Variants in FRMD4B observed in about 807,000 individuals in gnomAD.
The protein encoded by FRMD4B is FERM domain containing 4B.
In FRMD4B, 74 loss-of-function variants were observed where a neutral mutation model predicts 141.5. The observed-to-expected ratio is 0.52, with a 90% CI of 0.43 to 0.63. The LOEUF is 0.63. Among genes scored for constraint, FRMD4B ranks in the 30% least tolerant of loss-of-function variants. The pLI is 0.00. For synonymous variants in FRMD4B, 506 were observed against 467.9 expected (o/e 1.08, Z -1.05); for missense variants, 1,366 against 1,253.4 (o/e 1.09, Z -1.36).
chr3:69,436,996 T>C (rs1267954646), intron 1 of FRMD4B, among the ~76,000 whole-genome samples: 1 of 152,160 alleles, frequency 6.6e-6, no homozygotes, highest in African/African-American at 2.4e-5. Context: ...GAATGGGAAG[T>C]TATTGTTTAA....
intron 1 of FRMD4B, among the ~76,000 whole-genome samples, chr3:69,456,293 T>C (rs545870749): frequency 6.6e-6 from 1 of 152,184 alleles, no homozygotes. Flanking sequence ...TAAGTTGATG[T>C]AAGTTTTCGA....
intron 5 of FRMD4B, among the ~76,000 whole-genome samples, chr3:69,253,227 G>A (rs2093474706): frequency 6.8e-6 from 1 of 147,386 alleles, no homozygotes; most frequent in Non-Finnish European, 1.5e-5. Flanking sequence ...AGGCAATGAG[G>A]ATCAGGAAGA....
intron 5 of FRMD4B, among the ~76,000 whole-genome samples, chr3:69,267,975 A>G (rs2093575966): frequency 1.3e-5 from 2 of 151,836 alleles, no homozygotes; most frequent in South Asian, 4.1e-4. Context: ...CTTTTAAAAA[A>G]CTAAACCTTT....
chr3:69,446,379 C>T (rs1445233406), intron 1 of FRMD4B, among the ~76,000 whole-genome samples: 1 of 151,902 alleles, frequency 6.6e-6, no homozygotes, highest in East Asian at 1.9e-4. Context: ...GTCATCCTGG[C>T]TGGAGTGCAG....
rs58174388 is a variant in FRMD4B, at chr3:69,186,246, C to CT, written c.1919+1523dup. Among the ~76,000 whole-genome samples the CT allele has an allele frequency of 3.5e-3, 311 of 89,576 alleles. 3 individuals carry two copies. Among genetic ancestry groups the CT allele is most frequent in the African/African-American group, 9.1e-3 (241 of 26,536 alleles). 58.8% of individuals were successfully genotyped at this position (89,576 alleles called of 152,430 possible). ...AACATTTCTTTTTTTTTTCTTTTTC[C>CT]TTTTTTTTTTTTTTTTTGAGACAGC... On this transcript the variant is annotated intron_variant, in intron 19 of 22. Coordinates refer to ENST00000398540, the MANE Select transcript of FRMD4B (RefSeq NM_015123.3).
At position 69,196,397 on chromosome 3, in the gene FRMD4B, C is replaced by T; in HGVS notation, c.1093-1G>A. The T allele has an allele frequency of 6.2e-7, 1 of 1,605,186 alleles. No individual in the cohort carries two copies. The highest frequency in any genetic ancestry group is 1.7e-5 in the Admixed American group (1 of 58,148). On this transcript the variant is annotated splice_acceptor_variant, in intron 13 of 22. Transcript: ENST00000398540. LOFTEE classifies it high-confidence loss of function. ...AACTCCTGGCTGAAGGAATTTTTGC[C>T]TAAGAGGCATACAACAATGAAACAG...
At chr3:69,385,301 C>T (rs1213788925) in intron 1 of FRMD4B, among the ~76,000 whole-genome samples, 1 of 152,136 alleles carries the variant, frequency 6.6e-6, no homozygotes, top group Admixed American at 6.5e-5. Flanking sequence ...ATTTGCTGTC[C>T]TTCCTTCCAA....
intron 2 of FRMD4B, among the ~76,000 whole-genome samples, chr3:69,408,423 G>A (rs557104046): frequency 7.2e-5 from 11 of 152,264 alleles, no homozygotes; most frequent in East Asian, 3.9e-4. Flanking sequence ...TGAAAGTTCC[G>A]CCAATTGACG....
chr3:69,411,217 T>A lies in FRMD4B; in HGVS notation c.-1+21417A>T, dbSNP rs112625111. Among the ~76,000 whole-genome samples, 1,129 of 152,328 alleles carry A rather than the reference T, an allele frequency of 7.4e-3. 12 individuals are homozygous for A. The highest frequency in any genetic ancestry group is 0.021 in the African/African-American group (888 of 41,570). ...TCTACATGGTGGCTACTAATTCATATGGTATTCTAACTGTAAGTCACCAAT... is the reference window on the plus strand; with the variant it reads ...TCTACATGGTGGCTACTAATTCATAAGGTATTCTAACTGTAAGTCACCAAT... On this transcript the variant is annotated intron_variant, in intron 2 of 5. Coordinates refer to the FRMD4B transcript ENST00000459638.
intron 1 of FRMD4B, among the ~76,000 whole-genome samples, chr3:69,345,316 A>T (rs1702898310): frequency 6.6e-6 from 1 of 152,184 alleles, no homozygotes; most frequent in South Asian, 2.1e-4. Flanking sequence ...CTGAGGCTTG[A>T]GTAGGTAAGC....
intron 1 of FRMD4B, among the ~76,000 whole-genome samples, chr3:69,499,913 G>C (rs1706464242): frequency 6.6e-6 from 1 of 152,218 alleles, no homozygotes. Context: ...GCTGACCTGT[G>C]TCTGAAGCCC....
chr3:69,412,814 T>C (rs999664096), intron 2 of FRMD4B, among the ~76,000 whole-genome samples: 1 of 145,930 alleles, frequency 6.9e-6, no homozygotes, highest in Admixed American at 6.9e-5. Flanking sequence ...AGAGGAGACC[T>C]AAGAGAATTC....
intron 2 of FRMD4B, among the ~76,000 whole-genome samples, chr3:69,410,038 A>G (rs566590415): frequency 6.6e-6 from 1 of 152,054 alleles, no homozygotes; most frequent in African/African-American, 2.4e-5. Flanking sequence ...GCCAACAAGA[A>G]CTCCACCCTT....
chr3:69,528,482 A>T (rs1462286520), intron 1 of FRMD4B, among the ~76,000 whole-genome samples: 1 of 151,760 alleles, frequency 6.6e-6, no homozygotes, highest in African/African-American at 2.4e-5. Context: ...CTCCCACCTC[A>T]GCCTCCTGAG....
intron 5 of FRMD4B, among the ~76,000 whole-genome samples, chr3:69,285,909 T>C (rs1461825159): frequency 2.0e-5 from 3 of 151,236 alleles, no homozygotes; most frequent in Non-Finnish European, 4.4e-5. Flanking sequence ...TAAAAGCAGC[T>C]AAAGAAAAAG....
rs145362338 is a variant in FRMD4B, at chr3:69,411,390, A to C, written c.-1+21244T>G. On this transcript the variant is annotated intron_variant, in intron 2 of 5. Coordinates refer to the FRMD4B transcript ENST00000459638. ...AATTAACCACCCACACTTCAGTCTGAAGCAAGGTACACCTGGATGATTATA... is the reference window on the plus strand; with the variant it reads ...AATTAACCACCCACACTTCAGTCTGCAGCAAGGTACACCTGGATGATTATA... 1.4e-4 allele frequency among the ~76,000 whole-genome samples: 21 copies of C among 152,300 alleles called. No individual in the cohort carries two copies. The East Asian group carries it at 3.7e-3, about 27-fold the overall frequency.
intron 2 of FRMD4B, among the ~76,000 whole-genome samples, chr3:69,415,139 C>T (rs1346821498): frequency 6.6e-6 from 1 of 152,148 alleles, no homozygotes; most frequent in Non-Finnish European, 1.5e-5. Context: ...GCTGGGATTA[C>T]AGGCATGAGC....
intron 4 of FRMD4B, among the ~76,000 whole-genome samples, chr3:69,301,491 A>AT (rs896926706): frequency 3.3e-5 from 5 of 151,566 alleles, no homozygotes; most frequent in African/African-American, 9.7e-5. Context: ...AGTTCAGCTA[A>AT]TTTTTTTTGT....
At chr3:69,320,989 T>C (rs1468408214) in intron 1 of FRMD4B, 3 of 152,156 alleles carry the variant, frequency 2.0e-5, no homozygotes, top group Non-Finnish European at 4.4e-5. Context: ...ATCTGGTCAG[T>C]GGTTAAATGA....
Sources: gnomAD v4.1 joint callset for allele counts (sites outside exome capture counted in the v4.1 genomes callset) on GRCh38, gnomAD v4.1.1 for gene constraint, MANE v1.5 for transcripts, NCBI Gene and HGNC (gene_info 2026-07-23, HGNC 2026-07-21) for gene names.